ERG: variants seen among roughly 807,000 people sequenced by gnomAD.
ERG encodes transcriptional regulator ERG.
Under a neutral mutation model 55.3 loss-of-function variants are expected in ERG, and 9 were observed. The ratio of observed to expected loss-of-function variants is 0.16; its 90% CI spans 0.10 to 0.28. ERG has a LOEUF of 0.28. Among genes scored for constraint, ERG ranks in the 10% least tolerant of loss-of-function variants. The pLI, the probability that ERG is intolerant of heterozygous loss-of-function variation, is 1.00. For synonymous variants in ERG, 223 were observed against 237.3 expected (o/e 0.94, Z 0.55); for missense variants, 434 against 631.6 (o/e 0.69, Z 3.35).
intron 1 of ERG, among the ~76,000 whole-genome samples, chr21:38,496,417 A>G (rs2059380149): frequency 6.6e-6 from 1 of 152,222 alleles, no homozygotes; most frequent in African/African-American, 2.4e-5. Context: ...TTGAAACTGT[A>G]GTCAACAGAC....
chr21:38,454,139 C>A (rs2058966742), intron 1 of ERG, among the ~76,000 whole-genome samples: 1 of 152,112 alleles, frequency 6.6e-6, no homozygotes, highest in South Asian at 2.1e-4. Context: ...TTCATCAAAA[C>A]CCTTTTCCTT....
At position 38,571,212 on chromosome 21, in the gene ERG, T is replaced by A. The variant is rs1014638551; in HGVS notation, c.-41+4450A>T. Among the ~76,000 whole-genome samples the A allele has an allele frequency of 2.0e-5, 3 of 152,160 alleles. 1 individual carries two copies. Among genetic ancestry groups the A allele is most frequent in the Admixed American group, 6.6e-5 (1 of 15,266 alleles). ...AGAGTAGATGTGCATGATATGGTAG[T>A]TAGTATAATTTCTGTAATAAAAAAA... On this transcript the variant is annotated intron_variant, in intron 2 of 8. Coordinates refer to the ERG transcript ENST00000398897.
chr21:38,590,962 A>G (rs547785987), intron 1 of ERG, among the ~76,000 whole-genome samples: 9 of 152,238 alleles, frequency 5.9e-5, no homozygotes, highest in Admixed American at 5.9e-4. Context: ...TTTTTTCTTT[A>G]TTGGAAAGTC....
chr21:38,380,384 G>C lies in ERG; in HGVS notation c.*3019C>G. 1 of 1,061,362 alleles carries C rather than the reference G, an allele frequency of 9.4e-7. No homozygotes were observed. The highest frequency in any genetic ancestry group is 1.1e-6 in the Non-Finnish European group (1 of 876,914). The allele number at this position is 1,061,362 out of a possible 1,614,324, so 65.7% of individuals were successfully genotyped here. A position where few individuals can be genotyped will look rare whatever the true frequency, so the allele number is the denominator to read the frequency against. On this transcript the variant is annotated 3_prime_UTR_variant, in exon 10 of 10. Transcript: ENST00000288319. Reference sequence around the variant, plus strand: ...ACAAAGCACTTTGTGAACCCCTCCGGGACATAAGGGCATCAAACTAGGAAC... The same window carrying C: ...ACAAAGCACTTTGTGAACCCCTCCGCGACATAAGGGCATCAAACTAGGAAC...
intron 2 of ERG, among the ~76,000 whole-genome samples, chr21:38,427,753 T>C (rs149432506): frequency 2.0e-5 from 3 of 152,336 alleles, no homozygotes; most frequent in African/African-American, 7.2e-5. Context: ...GCACTCATCC[T>C]GACATACTCT....
intron 6 of ERG, among the ~76,000 whole-genome samples, chr21:38,399,446 C>T (rs547180897): frequency 2.6e-4 from 40 of 152,118 alleles, no homozygotes; most frequent in Non-Finnish European, 5.1e-4. Flanking sequence ...TTGTGTATTC[C>T]GGATATGTGA....
At chr21:38,608,678 A>C (rs1352703387) in intron 1 of ERG, among the ~76,000 whole-genome samples, 1 of 152,092 alleles carries the variant, frequency 6.6e-6, no homozygotes, top group African/African-American at 2.4e-5. Context: ...CACATTCTGA[A>C]TTGTCTGAAA....
chr21:38,612,205 C>T (rs775224574), intron 1 of ERG, among the ~76,000 whole-genome samples: 1 of 152,148 alleles, frequency 6.6e-6, no homozygotes, highest in Non-Finnish European at 1.5e-5. Context: ...GTTTACAAAC[C>T]TTTACCATCC....
At chr21:38,387,076 G>GA (rs367605254) in intron 9 of ERG, among the ~76,000 whole-genome samples, 26 of 150,672 alleles carry the variant, frequency 1.7e-4, no homozygotes, top group Middle Eastern at 3.4e-3. Flanking sequence ...AAAAAAGGGG[G>GA]AAAAAAAAAC....
At chr21:38,653,893 A>T (rs1721594489) in intron 1 of ERG, among the ~76,000 whole-genome samples, 1 of 152,244 alleles carries the variant, frequency 6.6e-6, no homozygotes, top group South Asian at 2.1e-4. Flanking sequence ...AATACAATGT[A>T]ATGCTTAATT....
At chr21:38,455,005 T>C (rs2146579727) in intron 1 of ERG, among the ~76,000 whole-genome samples, 1 of 152,326 alleles carries the variant, frequency 6.6e-6, no homozygotes, top group South Asian at 2.1e-4. Flanking sequence ...GAATGAATCC[T>C]GGTACACTCC....
At chr21:38,608,990 G>A (rs1349909187) in intron 1 of ERG, among the ~76,000 whole-genome samples, 1 of 152,226 alleles carries the variant, frequency 6.6e-6, no homozygotes, top group Non-Finnish European at 1.5e-5. Flanking sequence ...TGATACTACA[G>A]TCAAACAGAT....
At chr21:38,585,494 CT>C (rs2060056773), upstream of ERG, among the ~76,000 whole-genome samples, 1 of 139,958 alleles carries the variant, frequency 7.1e-6, no homozygotes, top group Non-Finnish European at 1.5e-5. Flanking sequence ...TACAATATGC[CT>C]GTAGCACGGC....
intron 2 of ERG, among the ~76,000 whole-genome samples, chr21:38,516,796 C>A (rs1458836631): frequency 1.3e-5 from 2 of 151,988 alleles, no homozygotes; most frequent in Non-Finnish European, 2.9e-5. Flanking sequence ...GAATTGATAA[C>A]CCAGAAATAA....
rs1987379797 is a variant in ERG at position 38,380,558 on chromosome 21, GGGAC to G, written c.*2841_*2844del. 2 of 1,065,856 alleles carry G rather than the reference GGGAC, an allele frequency of 1.9e-6. No homozygotes were observed. The highest frequency in any genetic ancestry group is 3.3e-5 in the African/African-American group (2 of 61,206). The allele number at this position is 1,065,856 out of a possible 1,614,324, so 66.0% of individuals were successfully genotyped here. A position where few individuals can be genotyped will look rare whatever the true frequency, so the allele number is the denominator to read the frequency against. On this transcript the variant is annotated 3_prime_UTR_variant, in exon 10 of 10. Transcript: ENST00000288319. Reference sequence around the variant, plus strand: ...ATACATCAGGGCAAGCCAAGAGACAGGGACAAACAGAGAGAAAAGGTTCATGCAA... The same window carrying G: ...ATACATCAGGGCAAGCCAAGAGACAGAAACAGAGAGAAAAGGTTCATGCAA...
the ERG span, among the ~76,000 whole-genome samples, chr21:38,372,999 C>G: frequency 6.6e-6 from 1 of 152,106 alleles, no homozygotes. Context: ...GAGTTCTGCT[C>G]TATCCATAGA....
At chr21:38,483,924 C>T (rs775931802) in intron 1 of ERG, among the ~76,000 whole-genome samples, 3 of 152,060 alleles carry the variant, frequency 2.0e-5, no homozygotes, top group Non-Finnish European at 2.9e-5. Flanking sequence ...TATAGGGTGC[C>T]AGCCACATCA....
At position 38,429,512 on chromosome 21, in the gene ERG, T is replaced by C. The variant is rs1245849981; in HGVS notation, c.237-5951A>G. ...GCACATGTACATATATACATATGTG[T>C]ATATACATGTATGCACATGTACATA... On this transcript the variant is annotated intron_variant, in intron 2 of 9. Coordinates refer to ENST00000288319, the MANE Select transcript of ERG (RefSeq NM_182918.4). Among the ~76,000 whole-genome samples the C allele has an allele frequency of 1.7e-5, 2 of 117,042 alleles. 1 individual carries two copies. Among genetic ancestry groups the C allele is most frequent in the Non-Finnish European group, 3.4e-5 (2 of 58,396 alleles). The allele number at this position is 117,042 out of a possible 152,430, so 76.8% of individuals were successfully genotyped here. A position where few individuals can be genotyped will look rare whatever the true frequency, so the allele number is the denominator to read the frequency against.
At chr21:38,423,360 C>T (rs1989637023) in intron 3 of ERG, 50 bp downstream of exon 3, 1 of 1,576,284 alleles carries the variant, frequency 6.3e-7, no homozygotes, top group Non-Finnish European at 8.6e-7. Flanking sequence ...TCAGCCTAGC[C>T]TTGGGGAAGT....
Sources: gnomAD v4.1 joint callset for allele counts (sites outside exome capture counted in the v4.1 genomes callset) on GRCh38, gnomAD v4.1.1 for gene constraint, MANE v1.5 for transcripts, NCBI Gene and HGNC (gene_info 2026-07-23, HGNC 2026-07-21) for gene names.